Variants in SPOCK3 observed in about 807,000 individuals in gnomAD.
SPOCK3 encodes the protein SPARC (osteonectin), cwcv and kazal like domains proteoglycan 3.
In SPOCK3, 30 loss-of-function variants were observed where a neutral mutation model predicts 56.6. The observed-to-expected ratio is 0.53, with a 90% CI of 0.40 to 0.72. The LOEUF is 0.72. Ranked by LOEUF, SPOCK3 falls within the 30% of genes least tolerant of loss-of-function variation. The pLI, the probability that SPOCK3 is intolerant of heterozygous loss-of-function variation, is 0.00. For missense variants in SPOCK3, 527 were observed against 530.0 expected, an observed-to-expected ratio of 0.99 and a Z score of 0.06; for synonymous variants, 196 against 183.3, an observed-to-expected ratio of 1.07 and a Z score of -0.56.
rs370194490 is a variant in SPOCK3, at chr4:166,922,188, C to T, written c.351-9445G>A. 1.5e-4 allele frequency among the ~76,000 whole-genome samples: 23 copies of T among 152,244 alleles called. 1 individual carries two copies. The highest frequency in any genetic ancestry group is 5.5e-4 in the African/African-American group (23 of 41,552). On this transcript the variant is annotated intron_variant, in intron 4 of 10. Coordinates refer to ENST00000357545, the MANE Select transcript of SPOCK3 (RefSeq NM_001040159.2). ...AAACCATCTCCCACTCCCCTGTAAA[C>T]CAGTCCTTGGTGCCAAAAAGATTGG...
At chr4:167,163,964 T>A (rs986388777) in intron 2 of SPOCK3, among the ~76,000 whole-genome samples, 1 of 152,180 alleles carries the variant, frequency 6.6e-6, no homozygotes, top group African/African-American at 2.4e-5. Context: ...AGTCTTCATT[T>A]ACTCCATAAA....
intron 4 of SPOCK3, among the ~76,000 whole-genome samples, chr4:166,944,929 A>G (rs1741539429): frequency 6.6e-6 from 1 of 152,172 alleles, no homozygotes; most frequent in South Asian, 2.1e-4. Flanking sequence ...TATTACTGAT[A>G]TGATTTCCAA....
chr4:167,087,829 T>C (rs116055527), intron 2 of SPOCK3, among the ~76,000 whole-genome samples: 1,852 of 152,288 alleles, frequency 0.012, 21 homozygotes, highest in Non-Finnish European at 0.018. Flanking sequence ...TTTCAAAACA[T>C]CATTTATTTA....
At chr4:166,955,632 T>A (rs1372693470) in intron 4 of SPOCK3, among the ~76,000 whole-genome samples, 1 of 146,382 alleles carries the variant, frequency 6.8e-6, no homozygotes, top group Non-Finnish European at 1.5e-5. Context: ...TATAATTTAA[T>A]TATATTAAAT....
At chr4:166,745,750 T>G (rs12644198) in intron 8 of SPOCK3, among the ~76,000 whole-genome samples, 2 of 151,800 alleles carry the variant, frequency 1.3e-5, no homozygotes, top group Non-Finnish European at 2.9e-5. Flanking sequence ...ACCCATCTCA[T>G]GTGCAGAGAC....
intron 2 of SPOCK3, among the ~76,000 whole-genome samples, chr4:167,177,807 G>A (rs1313398415): frequency 6.6e-6 from 1 of 152,062 alleles, no homozygotes; most frequent in African/African-American, 2.4e-5. Context: ...CATCTTGTCT[G>A]ATGTTGATGT....
At chr4:166,866,898 C>A (rs1436765163) in intron 6 of SPOCK3, among the ~76,000 whole-genome samples, 3 of 151,996 alleles carry the variant, frequency 2.0e-5, no homozygotes, top group African/African-American at 7.2e-5. Context: ...TGAAATACTT[C>A]AAGATAAATA....
chr4:166,742,238 T>C (rs1296838060), intron 8 of SPOCK3, among the ~76,000 whole-genome samples, 179 bp from the exon 9 acceptor site: 3 of 67,766 alleles, frequency 4.4e-5, no homozygotes, highest in African/African-American at 2.9e-4. Flanking sequence ...ATCTATCATC[T>C]ATCTATCTAT....
At chr4:167,054,882 A>C (rs781493998) in intron 3 of SPOCK3, among the ~76,000 whole-genome samples, 1 of 152,120 alleles carries the variant, frequency 6.6e-6, no homozygotes, top group Non-Finnish European at 1.5e-5. Context: ...TATGTAATCG[A>C]TATGTTTATG....
intron 4 of SPOCK3, chr4:166,918,559 T>C (rs1292326641): frequency 6.6e-6 from 1 of 152,110 alleles, no homozygotes; most frequent in Non-Finnish European, 1.5e-5. Context: ...ATATAAGAAA[T>C]CATTTGACAT....
intron 4 of SPOCK3, among the ~76,000 whole-genome samples, chr4:166,961,397 A>G (rs1181457176): frequency 6.6e-6 from 1 of 152,130 alleles, no homozygotes; most frequent in African/African-American, 2.4e-5. Context: ...TATTAATTGA[A>G]GAAAACTTCT....
intron 3 of SPOCK3, among the ~76,000 whole-genome samples, chr4:167,054,018 G>T: frequency 6.6e-6 from 1 of 152,098 alleles, no homozygotes. Context: ...AACAAGTAGG[G>T]ACGCTCCAAG....
Position 167,058,397 on chromosome 4 carries a change from A to G in SPOCK3, c.235+4095T>C, listed in dbSNP as rs374904810. Among the ~76,000 whole-genome samples, 36 of 152,322 alleles carry G rather than the reference A, an allele frequency of 2.4e-4. No individual in the cohort carries two copies. In the South Asian group the frequency reaches 7.0e-3, roughly 30 times the overall value. Reference sequence around the variant, plus strand: ...CCAAATCATTAGTGAACTCCCATTCATAAGTGCTTCAAAGAGAATAAAATA... The same window carrying G: ...CCAAATCATTAGTGAACTCCCATTCGTAAGTGCTTCAAAGAGAATAAAATA... On this transcript the variant is annotated intron_variant, in intron 3 of 10. Coordinates refer to ENST00000357545, the MANE Select transcript of SPOCK3 (RefSeq NM_001040159.2).
intron 5 of SPOCK3, among the ~76,000 whole-genome samples, chr4:166,900,581 T>C (rs2127053325): frequency 6.6e-6 from 1 of 152,296 alleles, no homozygotes; most frequent in Non-Finnish European, 1.5e-5. Flanking sequence ...CAGGCTGCCC[T>C]GGTCGCTATG....
chr4:167,016,087 T>C (rs1429593143), intron 3 of SPOCK3, among the ~76,000 whole-genome samples: 1 of 152,154 alleles, frequency 6.6e-6, no homozygotes, highest in Non-Finnish European at 1.5e-5. Flanking sequence ...CCTGACTGAA[T>C]AGTTATAGCA....
chr4:167,061,382 T>C (rs1755591317), intron 3 of SPOCK3, among the ~76,000 whole-genome samples: 1 of 151,964 alleles, frequency 6.6e-6, no homozygotes, highest in East Asian at 1.9e-4. Context: ...TCTTTTAGAA[T>C]TTTAAAATGC....
chr4:167,101,497 C>A (rs1759641813), intron 2 of SPOCK3, among the ~76,000 whole-genome samples: 1 of 151,932 alleles, frequency 6.6e-6, no homozygotes, highest in Non-Finnish European at 1.5e-5. Flanking sequence ...TCTCTACATA[C>A]CTCAGAAACT....
chr4:167,205,550 A>ATATT (rs1734205283), intron 2 of SPOCK3, among the ~76,000 whole-genome samples: 5 of 58,700 alleles, frequency 8.5e-5, no homozygotes, highest in African/African-American at 4.3e-4. Context: ...TATATTATAT[A>ATATT]ATATATAATA....
At chr4:166,744,603 C>A (rs944800509) in intron 8 of SPOCK3, among the ~76,000 whole-genome samples, 3 of 152,120 alleles carry the variant, frequency 2.0e-5, no homozygotes, top group African/African-American at 7.2e-5. Flanking sequence ...AGCTCCTCAC[C>A]AGCAACAGAA....
Sources: gnomAD v4.1 joint callset for allele counts (sites outside exome capture counted in the v4.1 genomes callset) on GRCh38, gnomAD v4.1.1 for gene constraint, MANE v1.5 for transcripts, NCBI Gene and HGNC (gene_info 2026-07-23, HGNC 2026-07-21) for gene names.